The following PITPNC1 variants were observed in gnomAD, a reference collection of about 807,000 sequenced individuals.
PITPNC1 encodes cytoplasmic phosphatidylinositol transfer protein 1.
PITPNC1 carries 18 observed loss-of-function variants against 44.7 expected under a neutral mutation model. That is an observed-to-expected ratio of 0.40 (90% CI 0.28 to 0.60). The LOEUF is 0.60. PITPNC1 is among the 20% of genes least tolerant of loss of function. The probability of loss-of-function intolerance (pLI) is 0.39; values close to 1 mark genes in which losing one functional copy is unlikely to be tolerated. For synonymous variants in PITPNC1, 141 were observed against 149.6 expected (o/e 0.94, Z 0.42); for missense variants, 290 against 418.4 (o/e 0.69, Z 2.68).
intron 4 of PITPNC1, among the ~76,000 whole-genome samples, chr17:67,567,112 T>C (rs1394803860): frequency 6.6e-6 from 1 of 152,250 alleles, no homozygotes; most frequent in African/African-American, 2.4e-5. Context: ...GGGTTGTGTC[T>C]GTCCCTCACT....
At chr17:67,503,914 A>G (rs2916150) in intron 1 of PITPNC1, among the ~76,000 whole-genome samples, 111,161 of 152,048 alleles carry the variant, frequency 0.73, 40,765 homozygotes, top group Middle Eastern at 0.84. Flanking sequence ...CTTCTTTGGC[A>G]TTTCTGTCTT....
At chr17:67,448,026 A>AC (rs2143940882) in intron 1 of PITPNC1, among the ~76,000 whole-genome samples, 1 of 151,200 alleles carries the variant, frequency 6.6e-6, no homozygotes, top group African/African-American at 2.4e-5. Flanking sequence ...GCTTACTGCA[A>AC]CCTCCACCTC....
intron 5 of PITPNC1, among the ~76,000 whole-genome samples, chr17:67,585,238 A>G (rs1397448037): frequency 6.6e-6 from 1 of 152,162 alleles, no homozygotes; most frequent in Non-Finnish European, 1.5e-5. Flanking sequence ...TAGGAAAGCT[A>G]TAAACAGACT....
chr17:67,555,087 G>A lies in PITPNC1; in HGVS notation c.294+1470G>A, dbSNP rs144115386. Among the ~76,000 whole-genome samples the A allele has an allele frequency of 1.5e-4, 23 of 152,098 alleles. No homozygotes were observed. The East Asian group carries it at 4.4e-3, about 29-fold the overall frequency. ...CAATGTCCCTAACTTTGAAAAAAGA[G>A]GCAATTTTATGGCAAAATGCAAATG... On this transcript the variant is annotated intron_variant, in intron 4 of 8. Coordinates refer to ENST00000581322, the MANE Select transcript of PITPNC1 (RefSeq NM_012417.4).
At chr17:67,378,919 G>C (rs1235593635) in intron 1 of PITPNC1, 4 of 960,398 alleles carry the variant, frequency 4.2e-6, no homozygotes, top group South Asian at 4.8e-5. Flanking sequence ...ACGTGGTGCC[G>C]GGGCCGCGGC....
At chr17:67,424,337 A>C (rs570726182) in intron 1 of PITPNC1, among the ~76,000 whole-genome samples, 1 of 152,206 alleles carries the variant, frequency 6.6e-6, no homozygotes, top group African/African-American at 2.4e-5. Flanking sequence ...AACTATAACT[A>C]TGCAAGATTA....
chr17:67,652,482 C>T (rs2042219994), intron 6 of PITPNC1, among the ~76,000 whole-genome samples: 1 of 152,214 alleles, frequency 6.6e-6, no homozygotes, highest in South Asian at 2.1e-4. Flanking sequence ...AGCCCTGGCA[C>T]CAGCTCAACC....
chr17:67,633,575 T>C (rs1028024446), intron 6 of PITPNC1, among the ~76,000 whole-genome samples: 10 of 152,228 alleles, frequency 6.6e-5, no homozygotes, highest in Admixed American at 2.6e-4. Flanking sequence ...CAGCTTTCAT[T>C]ATGCTCTGTG....
intron 4 of PITPNC1, among the ~76,000 whole-genome samples, chr17:67,573,357 G>A (rs1279343371): frequency 6.6e-6 from 1 of 152,138 alleles, no homozygotes; most frequent in African/African-American, 2.4e-5. Flanking sequence ...GGTAGGACCT[G>A]AGGGATCTCC....
intron 6 of PITPNC1, among the ~76,000 whole-genome samples, chr17:67,643,310 C>T (rs147233419): frequency 5.6e-4 from 85 of 152,254 alleles, no homozygotes; most frequent in Middle Eastern, 3.4e-3. Context: ...TGCTTGAATC[C>T]GGGAGGCGGA....
At chr17:67,607,985 C>T (rs943425084) in intron 5 of PITPNC1, among the ~76,000 whole-genome samples, 2 of 152,084 alleles carry the variant, frequency 1.3e-5, no homozygotes, top group African/African-American at 2.4e-5. Context: ...CCACCTCGGC[C>T]TCCCAAATTG....
chr17:67,619,007 C>T (rs189122102), intron 5 of PITPNC1, among the ~76,000 whole-genome samples: 3,808 of 151,618 alleles, frequency 0.025, 74 homozygotes, highest in Non-Finnish European at 0.038. Flanking sequence ...TGCAGTGAGC[C>T]GAGATTGCGC....
chr17:67,412,919 A>G (rs902767077), intron 1 of PITPNC1, among the ~76,000 whole-genome samples: 3 of 152,080 alleles, frequency 2.0e-5, no homozygotes, highest in African/African-American at 4.8e-5. Flanking sequence ...CCCATTTGCA[A>G]GTTACTTTCT....
chr17:67,581,754 C>T (rs115562910), intron 5 of PITPNC1, among the ~76,000 whole-genome samples: 2,073 of 152,264 alleles, frequency 0.014, 47 homozygotes, highest in African/African-American at 0.047. Flanking sequence ...AGCGTTGCGC[C>T]GAGGCACGGT....
chr17:67,609,288 CTTTTTTTTTTT>C (rs34987217), intron 5 of PITPNC1, among the ~76,000 whole-genome samples: 1 of 114,304 alleles, frequency 8.7e-6, no homozygotes, highest in South Asian at 2.8e-4. Flanking sequence ...CTTCTTCTTC[CTTTTTTTTTTT>C]TTTTTTTTGA....
chr17:67,577,263 C>A (rs1330746173), intron 4 of PITPNC1, among the ~76,000 whole-genome samples: 1 of 151,902 alleles, frequency 6.6e-6, no homozygotes, highest in African/African-American at 2.4e-5. Context: ...TGCACCCCAG[C>A]CTGGGTGACA....
At chr17:67,577,418 TCTCTA>T (rs1257562995) in intron 4 of PITPNC1, among the ~76,000 whole-genome samples, 1 of 151,860 alleles carries the variant, frequency 6.6e-6, no homozygotes, top group Non-Finnish European at 1.5e-5. Flanking sequence ...AGAAACCCTA[TCTCTA>T]CTAAAAATAC....
chr17:67,406,773 G>A (rs775249663), intron 1 of PITPNC1, among the ~76,000 whole-genome samples: 23 of 151,820 alleles, frequency 1.5e-4, no homozygotes, highest in Non-Finnish European at 2.8e-4. Flanking sequence ...TTTTAGTAGA[G>A]GCAGGGTTTC....
intron 4 of PITPNC1, among the ~76,000 whole-genome samples, chr17:67,561,695 T>G (rs956670543): frequency 6.6e-5 from 10 of 152,252 alleles, no homozygotes; most frequent in African/African-American, 2.4e-4. Context: ...TGAAAGTTTC[T>G]TACCTGGCCA....
Sources: gnomAD v4.1 joint callset for allele counts (sites outside exome capture counted in the v4.1 genomes callset) on GRCh38, gnomAD v4.1.1 for gene constraint, MANE v1.5 for transcripts, NCBI Gene and HGNC (gene_info 2026-07-23, HGNC 2026-07-21) for gene names.